Variants in MMEL1 observed in about 807,000 individuals in gnomAD.
MMEL1 encodes membrane metalloendopeptidase like 1, also known as membrane metallo-endopeptidase-like 1.
A neutral mutation model predicts 117.1 loss-of-function variants in MMEL1; 98 were observed. That is an observed-to-expected ratio of 0.84 (90% CI 0.71 to 0.99). The LOEUF is 0.99. Ranked by LOEUF, MMEL1 falls within the 50% of genes least tolerant of loss-of-function variation. The probability of loss-of-function intolerance (pLI) is 0.00; values close to 1 mark genes in which losing one functional copy is unlikely to be tolerated. For synonymous variants in MMEL1, 390 were observed against 415.1 expected (o/e 0.94, Z 0.74); for missense variants, 1,014 against 1,049.1 (o/e 0.97, Z 0.46).
intron 13 of MMEL1, 40 bp downstream of exon 13, chr1:2,598,167 A>G: frequency 6.4e-7 from 1 of 1,562,240 alleles, no homozygotes; most frequent in South Asian, 1.1e-5. Context: ...GCCTGAATGA[A>G]TGAGTGCCCG....
chr1:2,606,221 A>C (rs1645024415), intron 8 of MMEL1, 27 bp downstream of exon 8: 1 of 1,583,730 alleles, frequency 6.3e-7, no homozygotes, highest in Non-Finnish European at 8.7e-7. Flanking sequence ...GACCCTGCCT[A>C]CCCCTGCCCA....
chr1:2,606,236 C>T lies in MMEL1; in HGVS notation c.750+12G>A, dbSNP rs762068058. On this transcript the variant is annotated intron_variant, in intron 8 of 23. Coordinates refer to ENST00000378412, the MANE Select transcript of MMEL1 (RefSeq NM_033467.4). Reference sequence around the variant, plus strand: ...GACCCTGCCTACCCCTGCCCACCGGCGCGGCTCGTACGTAGATGATGTGCC... The same window carrying T: ...GACCCTGCCTACCCCTGCCCACCGGTGCGGCTCGTACGTAGATGATGTGCC... The T allele has an allele frequency of 5.6e-6, 9 of 1,608,646 alleles. No individual in the cohort carries two copies. Among genetic ancestry groups the T allele is most frequent in the Admixed American group, 3.3e-5 (2 of 60,018 alleles).
At chr1:2,608,522 C>T (rs1260069862) in intron 6 of MMEL1, among the ~76,000 whole-genome samples, 1 of 129,756 alleles carries the variant, frequency 7.7e-6, no homozygotes, top group Non-Finnish European at 1.6e-5. Context: ...CACATATACA[C>T]ACATACACAT....
At chr1:2,601,467 T>C (rs1368021444) in intron 11 of MMEL1, among the ~76,000 whole-genome samples, 1 of 152,144 alleles carries the variant, frequency 6.6e-6, no homozygotes, top group East Asian at 1.9e-4. Flanking sequence ...TCACAGTAGA[T>C]TGTAGACCTA....
Position 2,598,265 on chromosome 1 carries a change from A to T in MMEL1, c.1214T>A (p.Leu405Gln), listed in dbSNP as rs773403239. 1 of 1,614,136 alleles carries T rather than the reference A, an allele frequency of 6.2e-7. No individual in the cohort carries two copies. Reference protein sequence around the residue: ...IQNYLVWRLVLDRIGSLSQRF... With the variant: ...IQNYLVWRLVQDRIGSLSQRF... Reference sequence around the variant, plus strand: ...CTGGCTTAGGCTACCAATGCGGTCCAGCACCAGGCGCCAGACCAGGTAGTT... The same window carrying T: ...CTGGCTTAGGCTACCAATGCGGTCCTGCACCAGGCGCCAGACCAGGTAGTT... Residue 405 changes from leucine to glutamine, a missense_variant, in exon 13 of 24, where the codon CTG (leucine) becomes CAG (glutamine). Physicochemically the swap from Leu to Gln is moderately radical, Grantham distance 113. Coordinates refer to ENST00000378412, the MANE Select transcript of MMEL1 (RefSeq NM_033467.4).
At chr1:2,599,939 C>T (rs1644905821) in intron 11 of MMEL1, among the ~76,000 whole-genome samples, 1 of 151,444 alleles carries the variant, frequency 6.6e-6, no homozygotes, top group South Asian at 2.1e-4. Flanking sequence ...GCAGAAGCAA[C>T]AAAAACAACT....
At chr1:2,609,937 G>T (rs1645100785) in intron 4 of MMEL1, 106 bp from the exon 5 acceptor site, 1 of 1,286,140 alleles carries the variant, frequency 7.8e-7, no homozygotes. Context: ...CCCTTGGGAA[G>T]GGGCTGCTGT....
Position 2,595,072 on chromosome 1 carries a change from A to C in MMEL1, c.1585-179T>G, listed in dbSNP as rs1644811680. 6.6e-6 allele frequency among the ~76,000 whole-genome samples: 1 copy of C among 151,978 alleles called. No homozygotes were observed. The highest frequency in any genetic ancestry group is 2.4e-5 in the African/African-American group (1 of 41,364). On this transcript the variant is annotated intron_variant, in intron 16 of 23. Transcript: ENST00000378412. The surrounding 1 kb of genome is among the most constrained non-coding windows in gnomAD (Gnocchi z 4.8). ...GGCTGTGGGCATTTACATGACTCTG[A>C]GCAAGTCCCTCGTCCCTCCAGGCCT...
rs773782922 is a variant in MMEL1 at position 2,611,327 on chromosome 1, G to C, written c.246C>G (p.Ala82=). 64 of 1,552,166 alleles carry C rather than the reference G, an allele frequency of 4.1e-5. No homozygotes were observed. The highest frequency in any genetic ancestry group is 5.2e-5 in the Non-Finnish European group (60 of 1,150,288). The change falls in exon 4 of 24, where the codon GCC becomes GCG. Residue 82 remains alanine (A), a synonymous_variant. Coordinates refer to ENST00000378412, the MANE Select transcript of MMEL1 (RefSeq NM_033467.4). ...VKRKPRGIPE[A]QEVSEVCTTP... is the part of the protein sequence containing the mutation. ...TGGTGCAGACCTCGCTCACCTCTTGGGCCTCTGGGATCCCTGCGGGCAAGG... is the reference window on the plus strand; with the variant it reads ...TGGTGCAGACCTCGCTCACCTCTTGCGCCTCTGGGATCCCTGCGGGCAAGG...
rs1246403399 is a variant in MMEL1 at position 2,590,726 on chromosome 1, T to C, written c.*264A>G. The C allele has an allele frequency of 1.0e-5, 4 of 388,498 alleles. No homozygotes were observed. The highest frequency in any genetic ancestry group is 6.4e-4 in the Middle Eastern group (1 of 1,568). 24.1% of individuals were successfully genotyped at this position (388,498 alleles called of 1,614,324 possible). A position where few individuals can be genotyped will look rare whatever the true frequency, so the allele number is the denominator to read the frequency against. On this transcript the variant is annotated 3_prime_UTR_variant, in exon 24 of 24. Transcript: ENST00000378412. ...TGGAGGGTGGGCAGGACACAGTTGA[T>C]TGTCTCTACAGAGCTGTGACGGGGG...
At chr1:2,624,423 C>T (rs770320872) in intron 2 of MMEL1, among the ~76,000 whole-genome samples, 17 of 152,246 alleles carry the variant, frequency 1.1e-4, no homozygotes, top group Non-Finnish European at 2.2e-4. Context: ...ATCCCTCACA[C>T]TCACGCACTG....
At chr1:2,592,745 G>C (rs1336689760) in intron 20 of MMEL1, 25 bp from the exon 21 acceptor site, 1 of 1,610,404 alleles carries the variant, frequency 6.2e-7, no homozygotes, top group Non-Finnish European at 8.5e-7. Context: ...CAGGATTGGG[G>C]CAGCCCCGGC....
intron 6 of MMEL1, among the ~76,000 whole-genome samples, 189 bp downstream of exon 6, chr1:2,609,150 G>A (rs1247509368): frequency 5.3e-5 from 8 of 152,016 alleles, no homozygotes; most frequent in Admixed American, 5.2e-4. Flanking sequence ...CAGGGCAGCT[G>A]GCATTACTGC....
chr1:2,630,559 A>ATG (rs1383021292), intron 1 of MMEL1, among the ~76,000 whole-genome samples: 2 of 129,382 alleles, frequency 1.5e-5, no homozygotes, highest in East Asian at 2.4e-4. Context: ...TCATGTGTGC[A>ATG]TGTGTGTGAC....
At chr1:2,617,718 G>C in intron 2 of MMEL1, among the ~76,000 whole-genome samples, 1 of 152,172 alleles carries the variant, frequency 6.6e-6, no homozygotes, top group East Asian at 1.9e-4. Flanking sequence ...TGAACCTCCA[G>C]ACCCCATACT....
At chr1:2,628,424 C>T (rs1570719279) in intron 2 of MMEL1, among the ~76,000 whole-genome samples, 1 of 152,256 alleles carries the variant, frequency 6.6e-6, no homozygotes, top group African/African-American at 2.4e-5. Context: ...GTAACACAGG[C>T]TGAGGCGCCC....
Position 2,596,070 on chromosome 1 carries a change from A to C in MMEL1, c.1439T>G (p.Val480Gly), listed in dbSNP as rs1477752401. 2 of 1,613,800 alleles carry C rather than the reference A, an allele frequency of 1.2e-6. No homozygotes were observed. The highest frequency in any genetic ancestry group is 1.7e-6 in the Non-Finnish European group (2 of 1,179,922). The change falls in exon 15 of 24, where the codon GTG becomes GGG. Residue 480 changes from valine (V) to glycine (G), a missense_variant. Physicochemically the swap from Val to Gly is moderately radical, Grantham distance 109. Transcript: ENST00000378412. ...ELIDKVRTVFVETLDELGWMD... is the reference protein window; with the variant it reads ...ELIDKVRTVFGETLDELGWMD... ...CCAGCCCAGCTCGTCCAGCGTCTCC[A>C]CAAACACTGTCCGCACCTTGTCAAT... is the stretch of plus-strand genomic sequence containing the variant.
rs1387711155 is a variant in MMEL1 at position 2,629,374 on chromosome 1, G to C, written c.111C>G (p.Thr37=). The C allele has an allele frequency of 1.3e-6, 2 of 1,545,208 alleles. No individual in the cohort carries two copies. The highest frequency in any genetic ancestry group is 2.0e-5 in the Admixed American group (1 of 50,950). ...GGLLLLLLLV[T]AALVALGVLY... ...GGACACCCAAGGCCACCAGGGCAGCGGTCACCAGCAGCAGCAGCAGCAGCA... is the reference window on the plus strand; with the variant it reads ...GGACACCCAAGGCCACCAGGGCAGCCGTCACCAGCAGCAGCAGCAGCAGCA... Residue 37 remains threonine (T), a synonymous_variant, in exon 2 of 24, where the codon ACC becomes ACG. Coordinates refer to ENST00000378412, the MANE Select transcript of MMEL1 (RefSeq NM_033467.4).
chr1:2,631,129 A>T (rs549656693), intron 1 of MMEL1, among the ~76,000 whole-genome samples: 1 of 152,322 alleles, frequency 6.6e-6, no homozygotes, highest in African/African-American at 2.4e-5. Flanking sequence ...GGATGTGCAC[A>T]TCCCTCGCTG....
Sources: gnomAD v4.1 joint callset for allele counts (sites outside exome capture counted in the v4.1 genomes callset) on GRCh38, gnomAD v4.1.1 for gene constraint, Gnocchi (gnomAD v3.1) non-coding constraint, MANE v1.5 for transcripts, NCBI Gene and HGNC (gene_info 2026-07-23, HGNC 2026-07-21) for gene names.